COL9A3: variants seen among roughly 807,000 people sequenced by gnomAD.
COL9A3 encodes the protein collagen type IX alpha 3 chain.
In COL9A3, 82 loss-of-function variants were observed where a neutral mutation model predicts 110.2. The ratio of observed to expected loss-of-function variants is 0.74; its 90% CI spans 0.62 to 0.89. COL9A3 has a LOEUF of 0.89. COL9A3 is among the 40% of genes least tolerant of loss of function. The pLI is 0.00. For synonymous variants in COL9A3, 494 were observed against 403.8 expected (o/e 1.22, Z -2.68); for missense variants, 1,066 against 981.3 (o/e 1.09, Z -1.15).
At chr20:62,823,063 G>A (rs189036289) in intron 10 of COL9A3, among the ~76,000 whole-genome samples, 163 of 152,342 alleles carry the variant, frequency 1.1e-3, no homozygotes, top group Non-Finnish European at 1.6e-3. Flanking sequence ...CAGGTCAGGC[G>A]CAGTGGCTCA....
Position 62,827,265 on chromosome 20 carries a change from G to GA in COL9A3, c.819dup (p.Gly274ArgfsTer8). 6.2e-7 allele frequency: 1 copy of GA among 1,613,300 alleles called. No homozygotes were observed. The highest frequency in any genetic ancestry group is 8.5e-7 in the Non-Finnish European group (1 of 1,179,966). Reference sequence around the variant, plus strand: ...GGGTGACCGAGGCGAGAGGGGCCCAGAAGGGTTCCGCGGCCCCAAGGGTGA... The same window carrying GA: ...GGGTGACCGAGGCGAGAGGGGCCCAGAAAGGGTTCCGCGGCCCCAAGGGTGA... On this transcript the variant is annotated frameshift_variant, in exon 16 of 32. Coordinates refer to ENST00000649368, the MANE Select transcript of COL9A3 (RefSeq NM_001853.4). LOFTEE classifies it high-confidence loss of function.
intron 9 of COL9A3, 101 bp from the exon 10 acceptor site, chr20:62,822,490 A>G: frequency 3.1e-6 from 3 of 982,122 alleles, no homozygotes; most frequent in Non-Finnish European, 4.2e-6. Flanking sequence ...CCCCTGGTGG[A>G]TGGGGAAGGT....
intron 2 of COL9A3, 135 bp from the exon 3 acceptor site, chr20:62,818,383 C>A: frequency 1.2e-6 from 1 of 854,512 alleles, no homozygotes; most frequent in Non-Finnish European, 2.0e-6. Context: ...GGATCGGGGG[C>A]TCAGGGGCCC....
intron 2 of COL9A3, chr20:62,817,893 G>A: frequency 1.6e-6 from 1 of 619,858 alleles, no homozygotes; most frequent in Non-Finnish European, 3.1e-6. Context: ...GGTCCCCTGA[G>A]GGGCCCGTGC....
rs2063556410 is a variant in COL9A3 at position 62,826,750 on chromosome 20, C to T, written c.739-17C>T. 1 of 1,612,402 alleles carries T rather than the reference C, an allele frequency of 6.2e-7. No individual in the cohort carries two copies. The highest frequency in any genetic ancestry group is 8.5e-7 in the Non-Finnish European group (1 of 1,179,798). The stretch of plus-strand genomic sequence containing the variant: ...GCCTCAGACAAGAGGACCCCGGATC[C>T]CCTCTCTCCTCTGCAGGGTCCCATT... On this transcript the variant is annotated splice_polypyrimidine_tract_variant and intron_variant, in intron 14 of 31. Coordinates refer to ENST00000649368, the MANE Select transcript of COL9A3 (RefSeq NM_001853.4).
chr20:62,830,541 C>T lies in COL9A3; in HGVS notation c.1240C>T (p.Pro414Ser), dbSNP rs543868483. 13 of 1,608,418 alleles carry T rather than the reference C, an allele frequency of 8.1e-6. No homozygotes were observed. The African/African-American group carries it at 1.2e-4, about 15-fold the overall frequency. Reference protein sequence around the residue: ...FQGQKGSMGDPGLPGPQGLRG... With the variant: ...FQGQKGSMGDSGLPGPQGLRG... ...GGGCCAGAAGGGCAGCATGGGAGAC[C>T]CCGGCCTTCCAGGCCCCCAGGGCCT... Residue 414 changes from proline (P) to serine (S), a missense_variant, in exon 24 of 32, where the codon CCC becomes TCC. Transcript: ENST00000649368.
In COL9A3 at chr20:62,836,369, G is replaced by C. The variant is rs761742623; in HGVS notation, c.1548+36G>C. ...TTTCCGGCTTTTCCAGCTTTCACAG[G>C]GTTGAGATCGTGTTTTTTCCGGAAG... On this transcript the variant is annotated intron_variant, in intron 28 of 31. Transcript: ENST00000649368. The C allele has an allele frequency of 1.9e-6, 3 of 1,613,812 alleles. No homozygotes were observed. In the African/African-American group the frequency reaches 4.0e-5, roughly 22 times the overall value.
rs769801505 is a variant in COL9A3 at position 62,821,182 on chromosome 20, G to C, written c.311G>C (p.Gly104Ala). The change falls in exon 6 of 32, where the codon GGA becomes GCA. Residue 104 changes from glycine (G) to alanine (A), a missense_variant and splice_region_variant. Transcript: ENST00000649368. ...TAGACGCCTGCTTTCCTCCCACAGG[G>C]AAGTCTGGGACCCCCGGGGCCGCCC... Reference protein sequence around the residue: ...PGPKGAPGERGSLGPPGPPGL... With the variant: ...PGPKGAPGERASLGPPGPPGL... The C allele has an allele frequency of 6.2e-7, 1 of 1,613,180 alleles. No homozygotes were observed. Among genetic ancestry groups the C allele is most frequent in the South Asian group, 1.1e-5 (1 of 91,020 alleles).
At chr20:62,817,265 C>G in intron 1 of COL9A3, 123 bp downstream of exon 1, 1 of 716,812 alleles carries the variant, frequency 1.4e-6, no homozygotes, top group Non-Finnish European at 1.9e-6. Flanking sequence ...CGTCGGGGCG[C>G]GGAGTCGCCA....
chr20:62,816,950 T>TG (rs931866049), upstream of COL9A3: 9 of 524,958 alleles, frequency 1.7e-5, no homozygotes, highest in Admixed American at 4.8e-4. Flanking sequence ...CCCGGCTGAA[T>TG]GGGGGGCTTG....
chr20:62,828,672 T>G, intron 17 of COL9A3, 92 bp from the exon 18 acceptor site: 2 of 1,411,440 alleles, frequency 1.4e-6, no homozygotes, highest in Non-Finnish European at 2.0e-6. Flanking sequence ...CAGTTTTAGG[T>G]TGATGGGGAA....
chr20:62,831,971 G>A lies in COL9A3; in HGVS notation c.1288-183G>A, dbSNP rs1391261941. 1.3e-5 allele frequency: 9 copies of A among 696,032 alleles called. No homozygotes were observed. In the East Asian group the frequency reaches 2.4e-4, roughly 19 times the overall value. 43.1% of individuals were successfully genotyped at this position (696,032 alleles called of 1,614,324 possible). A position where few individuals can be genotyped will look rare whatever the true frequency, so the allele number is the denominator to read the frequency against. On this transcript the variant is annotated intron_variant, in intron 24 of 31. Coordinates refer to ENST00000649368, the MANE Select transcript of COL9A3 (RefSeq NM_001853.4). ...AGGGGAGGCTGGACAGAGCCATCGGGCCCAGAGGCTGTGAACGTGAGCTTG... is the reference window on the plus strand; with the variant it reads ...AGGGGAGGCTGGACAGAGCCATCGGACCCAGAGGCTGTGAACGTGAGCTTG...
At chr20:62,824,619 C>A (rs2063536166) in intron 11 of COL9A3, 118 bp downstream of exon 11, 12 of 1,088,352 alleles carry the variant, frequency 1.1e-5, no homozygotes, top group Non-Finnish European at 1.6e-5. Flanking sequence ...TCCAGGGTTG[C>A]CCCAGGAAGA....
chr20:62,826,667 G>A (rs1341125009), intron 14 of COL9A3, 100 bp from the exon 15 acceptor site: 20 of 1,293,718 alleles, frequency 1.5e-5, no homozygotes, highest in African/African-American at 4.4e-5. Context: ...GAGCCCTAGA[G>A]GAAGGGCTGC....
chr20:62,832,306 T>C (rs999300418), intron 25 of COL9A3, 117 bp downstream of exon 25: 89 of 1,033,260 alleles, frequency 8.6e-5, no homozygotes, highest in Non-Finnish European at 1.2e-4. Flanking sequence ...GAGCCTCCTT[T>C]CTCCTCTTGC....
At chr20:62,819,754 C>A (rs1991057964) in intron 4 of COL9A3, among the ~76,000 whole-genome samples, 175 bp from the exon 5 acceptor site, 1 of 152,224 alleles carries the variant, frequency 6.6e-6, no homozygotes, top group African/African-American at 2.4e-5. Context: ...CCTCCCAGAG[C>A]CTCTGGCTAC....
rs749967158 is a variant in COL9A3 at position 62,822,141 on chromosome 20, C to A, written c.454C>A (p.Pro152Thr). Reference protein sequence around the residue: ...GPSGLPGLPGPPGPPGPPGHP... With the variant: ...GPSGLPGLPGTPGPPGPPGHP... ...TTCTGGACTCCCCGGCCTCCCTGGT[C>A]CCCCAGGACCTCCCGGACCCCCTGT... The change falls in exon 9 of 32, where the codon CCC becomes ACC. Residue 152 changes from proline (P) to threonine (T), a missense_variant. Pro to Thr is a conservative substitution (Grantham distance 38, BLOSUM62 -1). Coordinates refer to ENST00000649368, the MANE Select transcript of COL9A3 (RefSeq NM_001853.4). The A allele has an allele frequency of 1.3e-6, 2 of 1,585,332 alleles. No individual in the cohort carries two copies. The highest frequency in any genetic ancestry group is 1.7e-6 in the Non-Finnish European group (2 of 1,154,542).
At chr20:62,828,362 G>A (rs887192028) in intron 17 of COL9A3, among the ~76,000 whole-genome samples, 1 of 152,238 alleles carries the variant, frequency 6.6e-6, no homozygotes, top group African/African-American at 2.4e-5. Flanking sequence ...CCCCGGAGTA[G>A]TGCCCTGTCT....
At position 62,836,219 on chromosome 20, in the gene COL9A3, C is replaced by T. The variant is rs765608042; in HGVS notation, c.1434C>T (p.Gly478=). The T allele has an allele frequency of 3.1e-6, 5 of 1,613,474 alleles. No homozygotes were observed. The South Asian group carries it at 5.5e-5, about 18-fold the overall frequency. The part of the protein sequence containing the change: ...SGSRGELGPK[G]TQGPNGTSGV... ...GTCGAGGGGAGCTGGGCCCCAAAGGCACCCAGGGTCCCAACGGCACCAGCG... is the reference window on the plus strand; with the variant it reads ...GTCGAGGGGAGCTGGGCCCCAAAGGTACCCAGGGTCCCAACGGCACCAGCG... The change falls in exon 28 of 32, where the codon GGC becomes GGT. Residue 478 remains glycine (G), a synonymous_variant. Coordinates refer to ENST00000649368, the MANE Select transcript of COL9A3 (RefSeq NM_001853.4).
Sources: gnomAD v4.1 joint callset for allele counts (sites outside exome capture counted in the v4.1 genomes callset) on GRCh38, gnomAD v4.1.1 for gene constraint, MANE v1.5 for transcripts, NCBI Gene and HGNC (gene_info 2026-07-23, HGNC 2026-07-21) for gene names.